GABRB1: variants seen among roughly 807,000 people sequenced by gnomAD.
GABRB1 encodes gamma-aminobutyric acid receptor subunit beta-1.
Under a neutral mutation model 51.6 loss-of-function variants are expected in GABRB1, and 17 were observed. That is an observed-to-expected ratio of 0.33 (90% CI 0.23 to 0.49). GABRB1 has a LOEUF of 0.49. Among genes scored for constraint, GABRB1 ranks in the 20% least tolerant of loss-of-function variants. GABRB1 has a pLI of 0.99. For missense variants in GABRB1, 410 were observed against 600.6 expected (o/e 0.68, Z 3.32); for synonymous variants, 247 against 218.9 (o/e 1.13, Z -1.14).
At chr4:47,300,731 C>T (rs1298484140) in intron 4 of GABRB1, among the ~76,000 whole-genome samples, 1 of 151,878 alleles carries the variant, frequency 6.6e-6, no homozygotes, top group Non-Finnish European at 1.5e-5. Context: ...CTTATAAATC[C>T]AGATCAACAC....
chr4:47,182,154 T>TA (rs1718977600), intron 4 of GABRB1, among the ~76,000 whole-genome samples: 1 of 151,838 alleles, frequency 6.6e-6, no homozygotes, highest in Non-Finnish European at 1.5e-5. Context: ...CTTGTCTTGT[T>TA]GAGGTTAAAA....
In GABRB1 at chr4:47,134,501, A is replaced by G. The variant is rs1007194376; in HGVS notation, c.241-26748A>G. On this transcript the variant is annotated intron_variant, in intron 3 of 8. Coordinates refer to ENST00000295454, the MANE Select transcript of GABRB1 (RefSeq NM_000812.4). The stretch of plus-strand genomic sequence containing the variant: ...TTCAAATATTAATGAGAGGAAAATG[A>G]TGGATGCCCTTAAGAAAATAAAGTC... 2.6e-5 allele frequency among the ~76,000 whole-genome samples: 4 copies of G among 152,194 alleles called. No individual in the cohort carries two copies. In the East Asian group the frequency reaches 5.8e-4, roughly 22 times the overall value.
chr4:47,407,614 T>G (rs1728620418), intron 8 of GABRB1, among the ~76,000 whole-genome samples: 1 of 152,210 alleles, frequency 6.6e-6, no homozygotes, highest in Non-Finnish European at 1.5e-5. Flanking sequence ...CATTCAAATG[T>G]GTATCTACCA....
chr4:47,032,427 C>T lies in GABRB1; in HGVS notation c.183C>T (p.Val61=). Residue 61 remains valine, a synonymous_variant, in exon 3 of 9, where the codon GTC becomes GTT. Transcript: ENST00000295454. ...CCACCTCCCCGGCAGGGCCCCCCGT[C>T]GACGTTGGGATGCGGATCGATGTCG... ...RLRPDFGGPP[V]DVGMRIDVAS... The T allele has an allele frequency of 6.3e-7, 1 of 1,590,354 alleles. No homozygotes were observed. Among genetic ancestry groups the T allele is most frequent in the African/African-American group, 1.3e-5 (1 of 74,616 alleles).
At chr4:47,129,145 T>C (rs1177184748) in intron 3 of GABRB1, among the ~76,000 whole-genome samples, 1 of 152,138 alleles carries the variant, frequency 6.6e-6, no homozygotes, top group East Asian at 1.9e-4. Context: ...GCAACAACCC[T>C]AGTGTGAGAC....
At chr4:47,011,705 C>CT (rs548756351) in intron 1 of GABRB1, among the ~76,000 whole-genome samples, 45 of 152,198 alleles carry the variant, frequency 3.0e-4, no homozygotes, top group African/African-American at 1.0e-3. Context: ...TTCATATTCT[C>CT]TGAGTAAAAT....
intron 3 of GABRB1, among the ~76,000 whole-genome samples, chr4:47,048,341 C>T (rs770204944): frequency 6.6e-6 from 1 of 152,080 alleles, no homozygotes; most frequent in Non-Finnish European, 1.5e-5. Context: ...GAAAAAGCTG[C>T]CATGTCACTG....
At chr4:47,239,988 A>G (rs754650712) in intron 4 of GABRB1, among the ~76,000 whole-genome samples, 11 of 152,178 alleles carry the variant, frequency 7.2e-5, no homozygotes, top group Non-Finnish European at 1.3e-4. Flanking sequence ...TAGTCACCAC[A>G]CATGGTGGAT....
intron 3 of GABRB1, among the ~76,000 whole-genome samples, chr4:47,075,001 G>T (rs1387155176): frequency 6.6e-6 from 1 of 152,152 alleles, no homozygotes; most frequent in East Asian, 1.9e-4. Context: ...GCTGCTTTTA[G>T]AGCAAGTTTC....
chr4:47,110,441 C>T (rs1277831081), intron 3 of GABRB1, among the ~76,000 whole-genome samples: 1 of 152,034 alleles, frequency 6.6e-6, no homozygotes, highest in Non-Finnish European at 1.5e-5. Context: ...GATGCACAAG[C>T]CATCAGAATA....
chr4:47,135,872 C>T (rs1018956010), intron 3 of GABRB1, among the ~76,000 whole-genome samples: 5 of 152,052 alleles, frequency 3.3e-5, no homozygotes, highest in Non-Finnish European at 5.9e-5. Flanking sequence ...TGATATTGAA[C>T]ACATTTCACC....
At chr4:47,028,355 A>G (rs1250834197), upstream of GABRB1, among the ~76,000 whole-genome samples, 1 of 151,802 alleles carries the variant, frequency 6.6e-6, no homozygotes, top group Non-Finnish European at 1.5e-5. Context: ...TGTTATTTTA[A>G]AATGTACAAT....
chr4:47,341,108 C>T (rs1317786610), intron 5 of GABRB1, among the ~76,000 whole-genome samples: 1 of 152,192 alleles, frequency 6.6e-6, no homozygotes, highest in African/African-American at 2.4e-5. Context: ...GTGGCACCTG[C>T]ATATTGATAG....
intron 4 of GABRB1, among the ~76,000 whole-genome samples, chr4:47,272,009 T>C (rs1159284669): frequency 1.3e-5 from 2 of 152,186 alleles, no homozygotes; most frequent in Non-Finnish European, 2.9e-5. Flanking sequence ...ATAACTTTGT[T>C]ATGTACATGA....
intron 4 of GABRB1, among the ~76,000 whole-genome samples, chr4:47,251,695 G>A (rs534638870): frequency 6.6e-6 from 1 of 152,112 alleles, no homozygotes; most frequent in African/African-American, 2.4e-5. Context: ...CAACAGAAAG[G>A]CCAGGTCAAT....
At chr4:47,373,771 A>G (rs1257483119) in intron 5 of GABRB1, among the ~76,000 whole-genome samples, 1 of 152,208 alleles carries the variant, frequency 6.6e-6, no homozygotes, top group East Asian at 1.9e-4. Context: ...GACGTCAAGA[A>G]TTTCACAATC....
At chr4:47,038,683 G>A (rs929797749) in intron 3 of GABRB1, among the ~76,000 whole-genome samples, 1 of 152,168 alleles carries the variant, frequency 6.6e-6, no homozygotes, top group Non-Finnish European at 1.5e-5. Context: ...AGTTTCTGAT[G>A]ATTTTTGCCT....
intron 4 of GABRB1, among the ~76,000 whole-genome samples, chr4:47,220,588 A>C (rs1031368357): frequency 1.3e-5 from 2 of 151,986 alleles, no homozygotes; most frequent in African/African-American, 2.4e-5. Context: ...ACATAAACTC[A>C]GATCCTGAAT....
intron 1 of GABRB1, among the ~76,000 whole-genome samples, chr4:47,001,366 T>C (rs574486581): frequency 3.6e-4 from 55 of 152,120 alleles, no homozygotes; most frequent in Non-Finnish European, 6.8e-4. Flanking sequence ...ATGGTCTGAA[T>C]CTCCTGACCT....
Sources: allele counts gnomAD v4.1 joint callset (sites outside exome capture counted in the v4.1 genomes callset), GRCh38; gene constraint gnomAD v4.1.1; transcripts MANE v1.5; gene names NCBI Gene and HGNC (gene_info 2026-07-23, HGNC 2026-07-21).